Variants in SFMBT2 observed in about 807,000 individuals in gnomAD.
SFMBT2 encodes the protein Scm like with four mbt domains 2, also known as scm-like with four MBT domains protein 2.
A neutral mutation model predicts 110.1 loss-of-function variants in SFMBT2; 38 were observed. The observed-to-expected ratio is 0.35, with a 90% CI of 0.27 to 0.45. The LOEUF (loss-of-function observed/expected upper bound fraction) is 0.45, where lower values mean the gene tolerates loss of function less well. Among genes scored for constraint, SFMBT2 ranks in the 20% least tolerant of loss-of-function variants. The pLI is 1.00. For synonymous variants in SFMBT2, 425 were observed against 425.4 expected, an observed-to-expected ratio of 1.00 and a Z score of 0.01; for missense variants, 1,011 against 1,094.9, an observed-to-expected ratio of 0.92 and a Z score of 1.08.
At chr10:7,210,684 G>C (rs943068156) in intron 11 of SFMBT2, among the ~76,000 whole-genome samples, 1 of 152,234 alleles carries the variant, frequency 6.6e-6, no homozygotes, top group Non-Finnish European at 1.5e-5. Context: ...GTGAGTGCCC[G>C]CAAGCAAGAC....
At chr10:7,362,070 T>C (rs1167512714) in intron 4 of SFMBT2, among the ~76,000 whole-genome samples, 3 of 152,232 alleles carry the variant, frequency 2.0e-5, no homozygotes, top group Admixed American at 6.5e-5. Flanking sequence ...TCAAGCCTTA[T>C]AGATTTACTA....
At chr10:7,291,235 C>T (rs1356836039) in intron 4 of SFMBT2, among the ~76,000 whole-genome samples, 1 of 152,176 alleles carries the variant, frequency 6.6e-6, no homozygotes, top group Non-Finnish European at 1.5e-5. Context: ...AGAGAAAGGC[C>T]ATTTTCACTC....
At position 7,276,971 on chromosome 10, in the gene SFMBT2, A is replaced by G; in HGVS notation, c.791T>C (p.Met264Thr). The G allele has an allele frequency of 1.1e-6, 1 of 872,796 alleles. No individual in the cohort carries two copies. Among genetic ancestry groups the G allele is most frequent in the Non-Finnish European group, 2.0e-6 (1 of 501,544 alleles). 54.1% of individuals were successfully genotyped at this position (872,796 alleles called of 1,614,324 possible). A position where few individuals can be genotyped will look rare whatever the true frequency, so the allele number is the denominator to read the frequency against. The part of the protein sequence containing the change: ...DPPSEIYPLK[M>T]ASEWKCTLEK... ...CAGAGTACATTTCCATTCAGAGGCC[A>G]TCTTCAAAGGATAGATTTCTGTATC... is the stretch of plus-strand genomic sequence containing the variant. Residue 264 changes from methionine to threonine, a missense_variant, in exon 7 of 21, where the codon ATG becomes ACG. This residue lies in a region of SFMBT2 where 979 missense variants were observed against 1,016.1 expected (regional missense o/e 0.96). Coordinates refer to ENST00000397167, the MANE Select transcript of SFMBT2 (RefSeq NM_001387889.1).
intron 13 of SFMBT2, among the ~76,000 whole-genome samples, chr10:7,201,429 G>T (rs75299541): frequency 6.6e-6 from 1 of 152,164 alleles, no homozygotes. Flanking sequence ...GTTTGGATTC[G>T]GTCACAGGCG....
chr10:7,392,834 A>G (rs11255106), intron 1 of SFMBT2, among the ~76,000 whole-genome samples: 18,010 of 151,318 alleles, frequency 0.12, 1,408 homozygotes, highest in African/African-American at 0.22. Context: ...CAAGTTTTAC[A>G]TTCACTGTTT....
intron 2 of SFMBT2, among the ~76,000 whole-genome samples, chr10:7,379,378 A>G (rs888088959): frequency 1.7e-4 from 26 of 152,090 alleles, no homozygotes; most frequent in Non-Finnish European, 3.5e-4. Flanking sequence ...ATAATAATAA[A>G]CTACTTGTAG....
chr10:7,197,334 T>G (rs1838808041), intron 15 of SFMBT2, among the ~76,000 whole-genome samples: 1 of 151,938 alleles, frequency 6.6e-6, no homozygotes, highest in African/African-American at 2.4e-5. Flanking sequence ...CAGATGTGTG[T>G]CCCTCCCTCT....
chr10:7,313,692 C>T (rs1055234616), intron 4 of SFMBT2, among the ~76,000 whole-genome samples: 1 of 152,002 alleles, frequency 6.6e-6, no homozygotes, highest in East Asian at 1.9e-4. Context: ...CTTTGTTGCC[C>T]GGGCTGGTCT....
At chr10:7,308,456 A>T (rs1010815619) in intron 4 of SFMBT2, among the ~76,000 whole-genome samples, 2 of 152,344 alleles carry the variant, frequency 1.3e-5, no homozygotes, top group Admixed American at 6.5e-5. Context: ...TTTCCTTAAA[A>T]AAAAAATTGA....
chr10:7,252,313 G>A (rs1187202909), intron 7 of SFMBT2, among the ~76,000 whole-genome samples: 1 of 152,174 alleles, frequency 6.6e-6, no homozygotes, highest in Non-Finnish European at 1.5e-5. Context: ...GGCTGCCGCT[G>A]CTTGGAAATA....
intron 4 of SFMBT2, among the ~76,000 whole-genome samples, chr10:7,330,100 C>T (rs1340506447): frequency 2.0e-5 from 3 of 152,132 alleles, no homozygotes; most frequent in South Asian, 2.1e-4. Flanking sequence ...CTAAAAATCT[C>T]GGCTGCCCAA....
chr10:7,233,390 G>A (rs545612846), intron 9 of SFMBT2, among the ~76,000 whole-genome samples: 1 of 152,352 alleles, frequency 6.6e-6, no homozygotes, highest in African/African-American at 2.4e-5. Flanking sequence ...GGGACACTCA[G>A]AGAGTGAGGG....
chr10:7,240,359 A>C (rs1840392331), intron 9 of SFMBT2, among the ~76,000 whole-genome samples: 1 of 152,196 alleles, frequency 6.6e-6, no homozygotes, highest in Admixed American at 6.5e-5. Flanking sequence ...CATTCTTTTC[A>C]ACAATGGCAC....
chr10:7,384,512 A>G (rs1845531479), intron 1 of SFMBT2, among the ~76,000 whole-genome samples: 1 of 150,082 alleles, frequency 6.7e-6, no homozygotes, highest in Non-Finnish European at 1.5e-5. Context: ...AATAATGAAA[A>G]TAACGGTTTT....
At chr10:7,362,350 T>C (rs1167130196) in intron 4 of SFMBT2, among the ~76,000 whole-genome samples, 1 of 152,178 alleles carries the variant, frequency 6.6e-6, no homozygotes, top group African/African-American at 2.4e-5. Context: ...TCTCCTTCCT[T>C]GTACCATTTC....
intron 1 of SFMBT2, among the ~76,000 whole-genome samples, chr10:7,396,193 G>A (rs113091323): frequency 6.6e-6 from 1 of 152,178 alleles, no homozygotes; most frequent in South Asian, 2.1e-4. Context: ...AGGTTGCAGT[G>A]AGCCAAGATT....
chr10:7,405,808 A>C (rs1481650323), intron 1 of SFMBT2, among the ~76,000 whole-genome samples: 3 of 147,678 alleles, frequency 2.0e-5, no homozygotes, highest in Admixed American at 6.8e-5. Context: ...GTCCACCTAC[A>C]CACTAGGCCC....
At chr10:7,220,928 G>A (rs904519734) in intron 10 of SFMBT2, among the ~76,000 whole-genome samples, 8 of 151,246 alleles carry the variant, frequency 5.3e-5, no homozygotes, top group African/African-American at 1.7e-4. Context: ...CCGGGTTCAC[G>A]CCATTCTCCT....
At chr10:7,279,503 C>T (rs967216189) in intron 6 of SFMBT2, among the ~76,000 whole-genome samples, 3 of 152,126 alleles carry the variant, frequency 2.0e-5, no homozygotes, top group African/African-American at 4.8e-5. Context: ...CAACAGTCCC[C>T]ATGTGCATTC....
Sources: allele counts gnomAD v4.1 joint callset (sites outside exome capture counted in the v4.1 genomes callset), GRCh38; gene constraint gnomAD v4.1.1; regional missense constraint gnomAD v4.1.1; transcripts MANE v1.5; gene names NCBI Gene and HGNC (gene_info 2026-07-23, HGNC 2026-07-21).